Variants in SPC25 observed in about 807,000 individuals in gnomAD.
SPC25 encodes the protein kinetochore protein Spc25.
A neutral mutation model predicts 29.6 loss-of-function variants in SPC25; 22 were observed. The ratio of observed to expected loss-of-function variants is 0.74; its 90% CI spans 0.53 to 1.06. The LOEUF is 1.06. Ranked by LOEUF, SPC25 falls within the 50% of genes least tolerant of loss-of-function variation. The probability of loss-of-function intolerance (pLI) is 0.00; values close to 1 mark genes in which losing one functional copy is unlikely to be tolerated. For missense variants in SPC25, 230 were observed against 255.8 expected (o/e 0.90, Z 0.69); for synonymous variants, 91 against 90.4 (o/e 1.01, Z -0.04).
At chr2:168,874,656 A>G (rs1195987123) in intron 5 of SPC25, among the ~76,000 whole-genome samples, 4 of 152,242 alleles carry the variant, frequency 2.6e-5, no homozygotes, top group African/African-American at 9.6e-5. Flanking sequence ...GCAAAAGGAT[A>G]TAGCGAAATC....
chr2:168,866,425 T>C (rs1287873430), downstream of SPC25, among the ~76,000 whole-genome samples: 3 of 152,286 alleles, frequency 2.0e-5, no homozygotes, highest in East Asian at 1.9e-4. Context: ...GCTAGCCATA[T>C]GTAGAAAGCT....
intron 3 of SPC25, among the ~76,000 whole-genome samples, chr2:168,887,466 AT>A (rs1690290492): frequency 6.6e-6 from 1 of 152,050 alleles, no homozygotes; most frequent in Non-Finnish European, 1.5e-5. Context: ...GAAAGTAAAC[AT>A]GGGTAAAAGT....
downstream of SPC25, among the ~76,000 whole-genome samples, chr2:168,869,417 G>T (rs1031831797): frequency 9.9e-5 from 15 of 152,168 alleles, no homozygotes; most frequent in Non-Finnish European, 1.9e-4. Context: ...AACTCAAATT[G>T]TCCCTGTTTG....
downstream of SPC25, among the ~76,000 whole-genome samples, chr2:168,870,707 A>G (rs1689962820): frequency 6.8e-6 from 1 of 146,420 alleles, no homozygotes; most frequent in Non-Finnish European, 1.5e-5. Context: ...TCAGAAAACA[A>G]CAGGTGCTGG....
At chr2:168,862,192 A>C in intron 4 of SPC25, 2 of 689,844 alleles carry the variant, frequency 2.9e-6, no homozygotes, top group South Asian at 3.7e-5. Context: ...GCACATCTAA[A>C]ACAAAAGCTC....
At chr2:168,882,736 C>T (rs1553538981) in intron 3 of SPC25, among the ~76,000 whole-genome samples, 1 of 152,036 alleles carries the variant, frequency 6.6e-6, no homozygotes, top group Non-Finnish European at 1.5e-5. Context: ...AAGAGGAAGA[C>T]ACAAATACAA....
intron 4 of SPC25, chr2:168,865,085 C>A (rs1689781792): frequency 8.1e-6 from 9 of 1,108,558 alleles, no homozygotes; most frequent in Non-Finnish European, 1.0e-5. Flanking sequence ...GGATGGAGTT[C>A]TACCTGCATG....
intron 4 of SPC25, chr2:168,861,848 A>C (rs1689469578): frequency 2.1e-6 from 2 of 974,300 alleles, no homozygotes; most frequent in Non-Finnish European, 3.1e-6. Context: ...CCTTTTGAGA[A>C]AAATTTAATA....
At chr2:168,889,012 T>TACATATATATATACACATATATATAC (rs1553539520) in intron 3 of SPC25, among the ~76,000 whole-genome samples, 1 of 62,602 alleles carries the variant, frequency 1.6e-5, no homozygotes, top group African/African-American at 6.8e-5. Flanking sequence ...CACATATATG[T>TACATATATATATACACATATATATAC]ATATATATAC....
chr2:168,872,117 G>T (rs1047000191), intron 6 of SPC25, among the ~76,000 whole-genome samples: 1 of 152,072 alleles, frequency 6.6e-6, no homozygotes, highest in African/African-American at 2.4e-5. Context: ...TGGGATTAAA[G>T]GTAACATGTC....
Position 168,884,779 on chromosome 2 carries a change from G to A in SPC25, c.199+4447C>T, listed in dbSNP as rs1690233804. On this transcript the variant is annotated intron_variant, in intron 3 of 6. Transcript: ENST00000282074. ...TTCTGGAGTTAATCTGATGATCTGG[G>A]GCAAATCATAATCTCTCTGGGACTG... The A allele has an allele frequency of 2.0e-5, 3 of 152,062 alleles. No individual in the cohort carries two copies. In the South Asian group the frequency reaches 6.2e-4, roughly 32 times the overall value. The allele number at this position is 152,062 out of a possible 1,614,324, so 9.4% of individuals were successfully genotyped here.
At chr2:168,873,016 A>G (rs572614642) in intron 6 of SPC25, among the ~76,000 whole-genome samples, 110 of 152,312 alleles carry the variant, frequency 7.2e-4, no homozygotes, top group African/African-American at 2.6e-3. Flanking sequence ...AGAGATAAAT[A>G]TATTTCTATT....
chr2:168,871,598 T>A (rs761558320), intron 6 of SPC25, 43 bp from the exon 7 acceptor site: 14 of 1,510,984 alleles, frequency 9.3e-6, no homozygotes, highest in Non-Finnish European at 1.2e-5. Context: ...TTAGAATGAG[T>A]TTTTTTATGG....
intron 4 of SPC25, among the ~76,000 whole-genome samples, chr2:168,876,999 A>C (rs1369494632): frequency 6.6e-6 from 1 of 152,108 alleles, no homozygotes; most frequent in Non-Finnish European, 1.5e-5. Context: ...CCTCCTATCA[A>C]TTTCATTATT....
At chr2:168,870,654 G>T, downstream of SPC25, among the ~76,000 whole-genome samples, 1 of 151,382 alleles carries the variant, frequency 6.6e-6, no homozygotes, top group Non-Finnish European at 1.5e-5. Flanking sequence ...AAACCACAAT[G>T]AGATACCATC....
intron 4 of SPC25, among the ~76,000 whole-genome samples, chr2:168,861,635 C>G (rs1689455504): frequency 6.6e-6 from 1 of 152,058 alleles, no homozygotes. Flanking sequence ...GTATTTATAC[C>G]TGAATGGCAA....
At chr2:168,870,487 C>T (rs1230644792), downstream of SPC25, among the ~76,000 whole-genome samples, 3 of 151,608 alleles carry the variant, frequency 2.0e-5, no homozygotes, top group African/African-American at 4.9e-5. Context: ...CCAGAATCTA[C>T]AATGAACTCA....
At chr2:168,866,518 A>T (rs1467442563), downstream of SPC25, among the ~76,000 whole-genome samples, 2 of 152,218 alleles carry the variant, frequency 1.3e-5, no homozygotes, top group African/African-American at 4.8e-5. Flanking sequence ...TAAAACCATA[A>T]AAACCCTAGA....
chr2:168,868,177 C>A (rs1394625740), downstream of SPC25, among the ~76,000 whole-genome samples: 1 of 152,156 alleles, frequency 6.6e-6, no homozygotes, highest in Admixed American at 6.5e-5. Flanking sequence ...ACACAACATA[C>A]CAGAATCTCT....
Sources: allele counts gnomAD v4.1 joint callset (sites outside exome capture counted in the v4.1 genomes callset), GRCh38; gene constraint gnomAD v4.1.1; transcripts MANE v1.5; gene names NCBI Gene and HGNC (gene_info 2026-07-23, HGNC 2026-07-21).